The following ASTN1 variants were observed in gnomAD, a reference collection of about 807,000 sequenced individuals.
The protein encoded by ASTN1 is astrotactin-1.
Under a neutral mutation model 140.7 loss-of-function variants are expected in ASTN1, and 41 were observed. That is an observed-to-expected ratio of 0.29 (90% CI 0.23 to 0.38). ASTN1 has a LOEUF of 0.38. Among genes scored for constraint, ASTN1 ranks in the 10% least tolerant of loss-of-function variants. The probability of loss-of-function intolerance (pLI) is 1.00; values close to 1 mark genes in which losing one functional copy is unlikely to be tolerated. For missense variants in ASTN1, 1,479 were observed against 1,678.8 expected (o/e 0.88, Z 2.08); for synonymous variants, 640 against 652.2 (o/e 0.98, Z 0.29).
intron 1 of ASTN1, among the ~76,000 whole-genome samples, chr1:177,127,183 A>C (rs1350198297): frequency 6.6e-6 from 1 of 152,092 alleles, no homozygotes; most frequent in Non-Finnish European, 1.5e-5. Flanking sequence ...CTCTCATTTA[A>C]GCTTCTCTGA....
At chr1:176,999,512 G>A (rs1674616639) in intron 8 of ASTN1, among the ~76,000 whole-genome samples, 1 of 152,188 alleles carries the variant, frequency 6.6e-6, no homozygotes, top group African/African-American at 2.4e-5. Flanking sequence ...ATGTGGAATT[G>A]AACAAGCATA....
At chr1:177,053,083 G>A (rs61001062) in intron 2 of ASTN1, among the ~76,000 whole-genome samples, 23,783 of 152,198 alleles carry the variant, frequency 0.16, 2,227 homozygotes, top group African/African-American at 0.27. Flanking sequence ...TGGAGACACA[G>A]TGAGGGCTTA....
chr1:177,088,728 C>A (rs1288764729), intron 1 of ASTN1, among the ~76,000 whole-genome samples: 1 of 152,174 alleles, frequency 6.6e-6, no homozygotes, highest in African/African-American at 2.4e-5. Flanking sequence ...GCCCCTCTGC[C>A]TTCCAGTCGT....
intron 17 of ASTN1, among the ~76,000 whole-genome samples, 162 bp downstream of exon 17, chr1:176,894,400 G>A (rs1186154848): frequency 6.6e-6 from 1 of 152,206 alleles, no homozygotes; most frequent in Non-Finnish European, 1.5e-5. Flanking sequence ...ATGCAAGCAT[G>A]CAAATTTAAA....
At chr1:177,092,203 G>A (rs1364406228) in intron 1 of ASTN1, among the ~76,000 whole-genome samples, 1 of 152,148 alleles carries the variant, frequency 6.6e-6, no homozygotes, top group Non-Finnish European at 1.5e-5. Flanking sequence ...CCTAGAGGCT[G>A]TGAAGTTGGA....
intron 1 of ASTN1, among the ~76,000 whole-genome samples, chr1:177,081,213 T>C (rs1005873246): frequency 2.6e-5 from 4 of 152,140 alleles, no homozygotes; most frequent in African/African-American, 9.7e-5. Context: ...GTCAAGGAGC[T>C]CTTGCTTGAC....
At chr1:176,960,338 G>A (rs1672605261) in intron 9 of ASTN1, among the ~76,000 whole-genome samples, 1 of 152,112 alleles carries the variant, frequency 6.6e-6, no homozygotes, top group African/African-American at 2.4e-5. Flanking sequence ...GCAGCTTATT[G>A]AACATAGAAA....
intron 1 of ASTN1, among the ~76,000 whole-genome samples, chr1:177,157,398 T>G (rs375069443): frequency 1.4e-3 from 220 of 152,260 alleles, no homozygotes; most frequent in African/African-American, 5.0e-3. Flanking sequence ...TCACTGCAAC[T>G]CCGCCTCCTG....
intron 11 of ASTN1, among the ~76,000 whole-genome samples, chr1:176,955,294 A>C (rs1338701934): frequency 2.0e-5 from 3 of 152,106 alleles, no homozygotes; most frequent in African/African-American, 7.2e-5. Context: ...CACTCTGCTG[A>C]TATATCAGAG....
intron 16 of ASTN1, among the ~76,000 whole-genome samples, chr1:176,931,338 T>A (rs1404229766): frequency 6.6e-6 from 1 of 152,070 alleles, no homozygotes; most frequent in African/African-American, 2.4e-5. Flanking sequence ...TAGTGGTGCA[T>A]GCCTGTAATC....
Position 176,957,680 on chromosome 1 carries a change from C to T in ASTN1, c.1885G>A (p.Val629Met), listed in dbSNP as rs144761357. 2.3e-4 allele frequency: 369 copies of T among 1,613,834 alleles called. 3 individuals are homozygous for T. The highest frequency in any genetic ancestry group is 1.2e-3 in the Middle Eastern group (7 of 6,042). The change falls in exon 11 of 23, where the codon GTG (valine) becomes ATG (methionine). Residue 629 changes from valine (V) to methionine (M), a missense_variant and splice_region_variant. Val to Met is a conservative substitution (Grantham distance 21). Transcript: ENST00000361833. ...ACTAGCTTGCAGGGCAGACCTACCA[C>T]GCAACCAGTGGAGTCCAGCTTGCGA... ...SDRKLDSTGC[V>M]CPSGLSPMKD...
intron 1 of ASTN1, among the ~76,000 whole-genome samples, chr1:177,140,362 C>T (rs1306621232): frequency 1.3e-5 from 2 of 152,016 alleles, no homozygotes; most frequent in Admixed American, 6.5e-5. Flanking sequence ...CTAATTTAGC[C>T]CTGAGCCTCC....
Position 177,029,599 on chromosome 1 carries a change from C to T in ASTN1, c.1120+35G>A, listed in dbSNP as rs761005963. The stretch of plus-strand genomic sequence containing the variant: ...TCCCCCGCCTCCCTCACTCCCAGAT[C>T]CTTTACCACCTTCTGCCACCTCTAT... On this transcript the variant is annotated intron_variant, in intron 5 of 22. Transcript: ENST00000361833. The T allele has an allele frequency of 1.4e-5, 23 of 1,600,560 alleles. 2 individuals carry two copies. In the South Asian group the frequency reaches 2.3e-4, roughly 16 times the overall value.
downstream of ASTN1, among the ~76,000 whole-genome samples, chr1:176,860,793 G>A (rs561405149): frequency 4.0e-4 from 61 of 152,298 alleles, no homozygotes; most frequent in African/African-American, 1.3e-3. Context: ...CATTCGTAGT[G>A]TCTAGAATAT....
intron 5 of ASTN1, among the ~76,000 whole-genome samples, chr1:177,028,149 A>T (rs1676222717): frequency 6.6e-6 from 1 of 152,188 alleles, no homozygotes; most frequent in Non-Finnish European, 1.5e-5. Flanking sequence ...AGACCTTGGT[A>T]TTTAAAAGGA....
At chr1:177,117,333 T>C (rs1681143476) in intron 1 of ASTN1, among the ~76,000 whole-genome samples, 1 of 152,160 alleles carries the variant, frequency 6.6e-6, no homozygotes, top group Non-Finnish European at 1.5e-5. Context: ...CTGGAATCAT[T>C]TGCTAGAATC....
At chr1:177,021,181 T>G (rs866988540) in intron 7 of ASTN1, among the ~76,000 whole-genome samples, 82 of 152,330 alleles carry the variant, frequency 5.4e-4, no homozygotes, top group African/African-American at 1.7e-3. Flanking sequence ...GTTTCTCAGC[T>G]GCTATCCAAA....
At chr1:177,099,200 T>C (rs1455165949) in intron 1 of ASTN1, among the ~76,000 whole-genome samples, 2 of 152,184 alleles carry the variant, frequency 1.3e-5, no homozygotes, top group Non-Finnish European at 2.9e-5. Context: ...CAAAGCTGAT[T>C]TTTATGTACT....
chr1:177,093,753 A>G (rs1451811717), intron 1 of ASTN1, among the ~76,000 whole-genome samples: 1 of 152,248 alleles, frequency 6.6e-6, no homozygotes, highest in Non-Finnish European at 1.5e-5. Flanking sequence ...CAAAAGAAAT[A>G]TCAACAAAGA....
Sources: allele counts gnomAD v4.1 joint callset (sites outside exome capture counted in the v4.1 genomes callset), GRCh38; gene constraint gnomAD v4.1.1; transcripts MANE v1.5; gene names NCBI Gene and HGNC (gene_info 2026-07-23, HGNC 2026-07-21).